Variants in CAGE1 observed in about 807,000 individuals in gnomAD.
CAGE1 encodes the protein cancer antigen 1.
In CAGE1, 66 loss-of-function variants were observed where a neutral mutation model predicts 94.9. That is an observed-to-expected ratio of 0.70 (90% confidence interval 0.57 to 0.85). CAGE1 has a LOEUF of 0.85. CAGE1 is among the 40% of genes least tolerant of loss of function. The pLI is 0.00. For missense variants in CAGE1, 865 were observed against 950.4 expected, an observed-to-expected ratio of 0.91 and a Z score of 1.18; for synonymous variants, 319 against 321.0, an observed-to-expected ratio of 0.99 and a Z score of 0.07.
At chr6:7,329,543 G>T (rs573099900) in intron 13 of CAGE1, among the ~76,000 whole-genome samples, 3 of 152,292 alleles carry the variant, frequency 2.0e-5, no homozygotes, top group South Asian at 4.1e-4. Context: ...GGCATGAAGG[G>T]GACCAAAACT....
At chr6:7,344,624 G>A (rs530487310) in intron 11 of CAGE1, among the ~76,000 whole-genome samples, 10 of 152,370 alleles carry the variant, frequency 6.6e-5, no homozygotes, top group Admixed American at 5.9e-4. Context: ...AGACTGGAAA[G>A]CAGCTCCACC....
rs769881699 is a variant in CAGE1 at position 7,387,187 on chromosome 6, T to C, written c.-14A>G. On this transcript the variant is annotated 5_prime_UTR_variant, in exon 2 of 14. Coordinates refer to ENST00000502583, the MANE Select transcript of CAGE1 (RefSeq NM_001170692.2). ...GTCCTTGTTCATAACTGTTGAACAA[T>C]AGAAGACTTCTTTAAAAAAAAAATG... 33 of 1,529,692 alleles carry C rather than the reference T, an allele frequency of 2.2e-5. No individual in the cohort carries two copies. In the South Asian group the frequency reaches 2.8e-4, roughly 13 times the overall value. 94.8% of individuals were successfully genotyped at this position (1,529,692 alleles called of 1,614,324 possible).
intron 12 of CAGE1, among the ~76,000 whole-genome samples, chr6:7,331,076 A>G (rs569958554): frequency 6.6e-6 from 1 of 152,334 alleles, no homozygotes; most frequent in South Asian, 2.1e-4. Context: ...AAAAAGTCAT[A>G]GTTAACCTAT....
At chr6:7,349,967 GA>G (rs201312881) in intron 11 of CAGE1, among the ~76,000 whole-genome samples, 4 of 136,708 alleles carry the variant, frequency 2.9e-5, no homozygotes, top group Middle Eastern at 3.8e-3. Flanking sequence ...AAAGAAAGAA[GA>G]AAAAAAAAGA....
In CAGE1 at chr6:7,356,142, A is replaced by G. The variant is rs1172797967; in HGVS notation, c.2194-13T>C. 2.1e-6 allele frequency: 3 copies of G among 1,396,108 alleles called. No homozygotes were observed. The allele number at this position is 1,396,108 out of a possible 1,614,324, so 86.5% of individuals were successfully genotyped here. On this transcript the variant is annotated splice_polypyrimidine_tract_variant and intron_variant, in intron 9 of 13. Coordinates refer to ENST00000502583, the MANE Select transcript of CAGE1 (RefSeq NM_001170692.2). ...CCAGTTTTGTGATCTATGGAGAAAT[A>G]TCAGTAAACATACTAATCTGGAACC...
At chr6:7,344,419 G>A (rs1300247627) in intron 11 of CAGE1, among the ~76,000 whole-genome samples, 1 of 152,240 alleles carries the variant, frequency 6.6e-6, no homozygotes, top group African/African-American at 2.4e-5. Context: ...CCGGCGCTGT[G>A]CTCGATTTCT....
rs188359408 is a variant in CAGE1, at chr6:7,387,054, A to T, written c.120T>A (p.Asn40Lys). 1,014 of 1,551,864 alleles carry T rather than the reference A, an allele frequency of 6.5e-4. 1 individual carries two copies. Among genetic ancestry groups the T allele is most frequent in the Non-Finnish European group, 8.3e-4 (951 of 1,146,954 alleles). ...MSESDTMNVS[N>K]LSQGVMLSHS... Reference sequence around the variant, plus strand: ...GTGAAAGCATTACACCTTGAGAAAGATTGCTGACATTCATGGTATCCGATT... The same window carrying T: ...GTGAAAGCATTACACCTTGAGAAAGTTTGCTGACATTCATGGTATCCGATT... The change falls in exon 2 of 14, where the codon AAT becomes AAA. Residue 40 changes from asparagine to lysine, a missense_variant. Asn to Lys is a moderately conservative substitution (Grantham distance 94, BLOSUM62 0). Coordinates refer to ENST00000502583, the MANE Select transcript of CAGE1 (RefSeq NM_001170692.2).
intron 11 of CAGE1, among the ~76,000 whole-genome samples, chr6:7,343,836 A>C (rs1759291667): frequency 6.6e-6 from 1 of 152,190 alleles, no homozygotes; most frequent in Admixed American, 6.5e-5. Context: ...TTATAAGAGG[A>C]TCGACCTCTC....
At chr6:7,345,543 C>A (rs559441863) in intron 11 of CAGE1, among the ~76,000 whole-genome samples, 1 of 152,278 alleles carries the variant, frequency 6.6e-6, no homozygotes, top group South Asian at 2.1e-4. Flanking sequence ...TAAGCTATCA[C>A]CAAGTAGTTT....
At chr6:7,372,303 C>T (rs1760563156) in intron 5 of CAGE1, among the ~76,000 whole-genome samples, 1 of 152,014 alleles carries the variant, frequency 6.6e-6, no homozygotes, top group Non-Finnish European at 1.5e-5. Flanking sequence ...GAAACCCCAT[C>T]TCTACTAAAA....
chr6:7,331,861 A>T (rs1758766286), intron 12 of CAGE1, among the ~76,000 whole-genome samples: 1 of 152,198 alleles, frequency 6.6e-6, no homozygotes, highest in Non-Finnish European at 1.5e-5. Flanking sequence ...ATGACTTATG[A>T]CAAAACCAAA....
chr6:7,336,435 C>T (rs1160151970), intron 11 of CAGE1, among the ~76,000 whole-genome samples: 1 of 152,150 alleles, frequency 6.6e-6, no homozygotes, highest in Non-Finnish European at 1.5e-5. Flanking sequence ...CTGCTGAGAG[C>T]TAGGCAAGCA....
rs1286112653 is a variant in CAGE1 at position 7,350,986 on chromosome 6, AAGATAAATAAAATTGATAGATCATTTATT to A, written c.2369+4026_2369+4054del. Among the ~76,000 whole-genome samples, 5 of 152,200 alleles carry A rather than the reference AAGATAAATAAAATTGATAGATCATTTATT, an allele frequency of 3.3e-5. No individual in the cohort carries two copies. In the East Asian group the frequency reaches 9.6e-4, roughly 29 times the overall value. ...TGAAACAAAAAGCTGGTTCTTTGAA[AAGATAAATAAAATTGATAGATCATTTATT>A]AGATAAATAAAATTGATAGATCATT... On this transcript the variant is annotated intron_variant, in intron 11 of 13. Transcript: ENST00000502583.
At chr6:7,345,736 GCTGA>G (rs1404072838) in intron 11 of CAGE1, among the ~76,000 whole-genome samples, 4 of 151,856 alleles carry the variant, frequency 2.6e-5, no homozygotes, top group East Asian at 1.9e-4. Flanking sequence ...GACCATCCTG[GCTGA>G]CTAAAACCCC....
chr6:7,330,313 G>A (rs1488122813), intron 12 of CAGE1, among the ~76,000 whole-genome samples: 1 of 152,192 alleles, frequency 6.6e-6, no homozygotes, highest in African/African-American at 2.4e-5. Context: ...CTTGAGCCTG[G>A]GAGGTGGAGG....
rs1422392443 is a variant in CAGE1, at chr6:7,385,726, T to A, written c.283+59A>T. On this transcript the variant is annotated intron_variant, in intron 3 of 13. Transcript: ENST00000502583. Reference sequence around the variant, plus strand: ...GCACAAAACCTGGCTATTGTTACTATCACGGAACACAAAAAAAAGTTTCTC... The same window carrying A: ...GCACAAAACCTGGCTATTGTTACTAACACGGAACACAAAAAAAAGTTTCTC... The A allele has an allele frequency of 4.0e-6, 4 of 993,702 alleles. No homozygotes were observed. The Admixed American group carries it at 1.2e-4, about 29-fold the overall frequency. 61.6% of individuals were successfully genotyped at this position (993,702 alleles called of 1,614,324 possible).
intron 9 of CAGE1, among the ~76,000 whole-genome samples, chr6:7,361,563 A>G (rs1760166926): frequency 6.6e-6 from 1 of 152,188 alleles, no homozygotes; most frequent in South Asian, 2.1e-4. Flanking sequence ...TAGAGGAACA[A>G]AAGAACTGCA....
intron 3 of CAGE1, among the ~76,000 whole-genome samples, chr6:7,384,180 C>T (rs2113475306): frequency 6.6e-6 from 1 of 152,036 alleles, no homozygotes; most frequent in South Asian, 2.1e-4. Context: ...TGGGTTCATG[C>T]CATTCTCCTG....
intron 12 of CAGE1, among the ~76,000 whole-genome samples, chr6:7,330,957 T>C (rs1445008655): frequency 6.6e-6 from 1 of 152,186 alleles, no homozygotes; most frequent in East Asian, 1.9e-4. Context: ...GGAAAAAAAT[T>C]CCATTGTTTC....
Sources: allele counts gnomAD v4.1 joint callset (sites outside exome capture counted in the v4.1 genomes callset), GRCh38; gene constraint gnomAD v4.1.1; transcripts MANE v1.5; gene names NCBI Gene and HGNC (gene_info 2026-07-23, HGNC 2026-07-21).